Variants in IL1RAPL2 observed in about 807,000 individuals in gnomAD.
The protein encoded by IL1RAPL2 is interleukin 1 receptor accessory protein like 2.
Under a neutral mutation model 44.1 loss-of-function variants are expected in IL1RAPL2, and 3 were observed. That is an observed-to-expected ratio of 0.07 (90% confidence interval 0.03 to 0.18). IL1RAPL2 has a LOEUF of 0.18. Among genes scored for constraint, IL1RAPL2 ranks in the 10% least tolerant of loss-of-function variants. The probability of loss-of-function intolerance (pLI) is 1.00; values close to 1 mark genes in which losing one functional copy is unlikely to be tolerated. For missense variants in IL1RAPL2, 391 were observed against 496.4 expected (o/e 0.79, Z 2.02); for synonymous variants, 181 against 178.8 (o/e 1.01, Z -0.10).
chrX:105,211,001 C>T (rs1387655161), intron 3 of IL1RAPL2, among the ~76,000 whole-genome samples: 1 of 110,896 alleles, frequency 9.0e-6, no homozygotes, highest in East Asian at 2.9e-4. Context: ...CACCTTTTGA[C>T]CCCACCCACT....
intron 2 of IL1RAPL2, among the ~76,000 whole-genome samples, chrX:105,053,753 C>CA (rs932714461): frequency 1.8e-5 from 2 of 111,375 alleles, no homozygotes; most frequent in African/African-American, 6.5e-5. Flanking sequence ...TATGTCTGGT[C>CA]AAAAAAACAT....
chrX:104,906,890 C>T (rs1443088423), intron 2 of IL1RAPL2, among the ~76,000 whole-genome samples: 1 of 111,665 alleles, frequency 9.0e-6, no homozygotes, highest in Non-Finnish European at 1.9e-5. Context: ...CTAGTTCCTC[C>T]TTGTACCTCT....
intron 6 of IL1RAPL2, among the ~76,000 whole-genome samples, chrX:105,587,272 T>A (rs908527987): frequency 1.8e-5 from 2 of 111,587 alleles, no homozygotes; most frequent in Admixed American, 1.9e-4. Context: ...ATCTTTATCT[T>A]TTAATTCTGC....
At chrX:105,440,132 A>ATAC (rs1301476139) in intron 5 of IL1RAPL2, among the ~76,000 whole-genome samples, 1 of 112,185 alleles carries the variant, frequency 8.9e-6, no homozygotes, top group Non-Finnish European at 1.9e-5. Flanking sequence ...TGAATTATCC[A>ATAC]TACTACAGAC....
intron 2 of IL1RAPL2, among the ~76,000 whole-genome samples, chrX:104,913,438 G>A (rs1406130774): frequency 9.0e-6 from 1 of 111,641 alleles, no homozygotes; most frequent in Non-Finnish European, 1.9e-5. Context: ...TCAGGTCCCT[G>A]AGCAAACTGG....
chrX:104,923,805 A>G (rs1363678465), intron 2 of IL1RAPL2, among the ~76,000 whole-genome samples: 3 of 110,786 alleles, frequency 2.7e-5, no homozygotes, highest in Non-Finnish European at 3.8e-5. Context: ...GCATGTCAAT[A>G]TTAACTTTGA....
At chrX:105,737,603 G>C (rs1363089087) in intron 7 of IL1RAPL2, among the ~76,000 whole-genome samples, 1 of 111,338 alleles carries the variant, frequency 9.0e-6, no homozygotes, top group East Asian at 2.9e-4. Context: ...AGAAGGAAAG[G>C]CTTGGTTTGG....
At chrX:104,984,236 C>T (rs745443970) in intron 2 of IL1RAPL2, among the ~76,000 whole-genome samples, 7 of 111,392 alleles carry the variant, frequency 6.3e-5, no homozygotes, top group Middle Eastern at 4.3e-3. Flanking sequence ...AATGTATGAG[C>T]GCAGAGTTAA....
At chrX:104,609,886 TC>T in intron 1 of IL1RAPL2, among the ~76,000 whole-genome samples, 1 of 111,846 alleles carries the variant, frequency 8.9e-6, no homozygotes, top group Non-Finnish European at 1.9e-5. Flanking sequence ...CCAGTTTTGT[TC>T]CCTTGCTGGA....
intron 2 of IL1RAPL2, among the ~76,000 whole-genome samples, chrX:104,742,058 A>G (rs1932108949): frequency 1.8e-5 from 2 of 111,241 alleles, no homozygotes; most frequent in Non-Finnish European, 3.8e-5. Flanking sequence ...TTCAGGGTAC[A>G]TGAGGAGAAA....
chrX:104,794,000 C>T (rs1026315642), intron 2 of IL1RAPL2, among the ~76,000 whole-genome samples: 6 of 111,800 alleles, frequency 5.4e-5, no homozygotes, highest in Non-Finnish European at 9.4e-5. Flanking sequence ...GATGGGTCAT[C>T]AGCCATTGAC....
At chrX:105,081,381 C>T (rs960426011) in intron 2 of IL1RAPL2, among the ~76,000 whole-genome samples, 2 of 111,262 alleles carry the variant, frequency 1.8e-5, no homozygotes, top group African/African-American at 6.5e-5. Context: ...TAATTATTTT[C>T]TTCCTACAGG....
intron 5 of IL1RAPL2, chrX:105,406,482 G>A (rs2035645669): frequency 2.5e-5 from 30 of 1,201,871 alleles, no homozygotes; most frequent in Middle Eastern, 3.2e-4. Flanking sequence ...CCAATATCCC[G>A]AAAGGAATTT....
chrX:104,641,301 C>T (rs747039426), intron 1 of IL1RAPL2, among the ~76,000 whole-genome samples: 7 of 111,124 alleles, frequency 6.3e-5, no homozygotes, highest in South Asian at 3.8e-4. Flanking sequence ...TCCCAGGCTA[C>T]GTACTCTGCC....
intron 2 of IL1RAPL2, among the ~76,000 whole-genome samples, chrX:104,897,257 C>T (rs1194560379): frequency 8.9e-6 from 1 of 112,023 alleles, no homozygotes; most frequent in South Asian, 3.7e-4. Context: ...TTCACACATG[C>T]TCCTGGAGCC....
At chrX:105,077,675 G>C (rs1046798216) in intron 2 of IL1RAPL2, among the ~76,000 whole-genome samples, 1 of 111,742 alleles carries the variant, frequency 8.9e-6, no homozygotes, top group Non-Finnish European at 1.9e-5. Flanking sequence ...TCACTTTCAG[G>C]TACACCAATT....
chrX:105,367,762 T>A (rs1253343207), intron 5 of IL1RAPL2, among the ~76,000 whole-genome samples: 1 of 111,843 alleles, frequency 8.9e-6, no homozygotes, highest in Non-Finnish European at 1.9e-5. Flanking sequence ...ATAGTAGATA[T>A]AATTGATTTT....
chrX:105,588,228 G>A (rs2037143280), intron 6 of IL1RAPL2, among the ~76,000 whole-genome samples: 1 of 110,614 alleles, frequency 9.0e-6, no homozygotes, highest in Admixed American at 9.7e-5. Flanking sequence ...TCTGCAAGAT[G>A]TTACCATGGG....
chrX:104,788,901 G>C (rs374454461), intron 2 of IL1RAPL2, among the ~76,000 whole-genome samples: 4 of 111,681 alleles, frequency 3.6e-5, no homozygotes, highest in African/African-American at 1.3e-4. Flanking sequence ...TGCCCCATTA[G>C]GCAGCATAGG....
Sources: gnomAD v4.1 joint callset for allele counts (sites outside exome capture counted in the v4.1 genomes callset) on GRCh38, gnomAD v4.1.1 for gene constraint, MANE v1.5 for transcripts, NCBI Gene and HGNC (gene_info 2026-07-23, HGNC 2026-07-21) for gene names.